The following COL17A1 variants were observed in gnomAD, a reference collection of about 807,000 sequenced individuals.
The protein encoded by COL17A1 is collagen type XVII alpha 1 chain.
Under a neutral mutation model 218.4 loss-of-function variants are expected in COL17A1, and 181 were observed. The observed-to-expected ratio is 0.83, with a 90% CI of 0.73 to 0.94. The LOEUF is 0.94. Among genes scored for constraint, COL17A1 ranks in the 40% least tolerant of loss-of-function variants. The pLI is 0.00. For missense variants in COL17A1, 1,924 were observed against 1,945.9 expected, an observed-to-expected ratio of 0.99 and a Z score of 0.21; for synonymous variants, 721 against 731.0, an observed-to-expected ratio of 0.99 and a Z score of 0.22.
At chr10:104,058,768 C>G (rs1285471298) in intron 15 of COL17A1, among the ~76,000 whole-genome samples, 2 of 151,956 alleles carry the variant, frequency 1.3e-5, no homozygotes, top group East Asian at 3.9e-4. Context: ...CCCGTCTGTA[C>G]TAAAAATACA....
At chr10:104,035,422 G>T in intron 49 of COL17A1, 49 bp from the exon 50 acceptor site, 1 of 1,613,306 alleles carries the variant, frequency 6.2e-7, no homozygotes, top group Non-Finnish European at 8.5e-7. Flanking sequence ...TGGGCCAAGG[G>T]ACTCTGCTTC....
At chr10:104,054,779 C>T (rs2086503644) in intron 20 of COL17A1, among the ~76,000 whole-genome samples, 2 of 152,168 alleles carry the variant, frequency 1.3e-5, no homozygotes, top group Non-Finnish European at 2.9e-5. Context: ...GCTCGCCAAT[C>T]CCGGTCAGCT....
chr10:104,076,575 C>T, intron 4 of COL17A1, 146 bp from the exon 5 acceptor site: 1 of 1,043,188 alleles, frequency 9.6e-7, no homozygotes, highest in Admixed American at 1.9e-5. Flanking sequence ...AGCATTCCCC[C>T]AGCTGTTCAC....
At chr10:104,050,056 ATAGAT>A (rs1266595558) in intron 28 of COL17A1, 28 bp downstream of exon 28, 1 of 1,613,956 alleles carries the variant, frequency 6.2e-7, no homozygotes, top group South Asian at 1.1e-5. Context: ...AAAGTCGTGG[ATAGAT>A]TAAAGTAGAT....
At chr10:104,054,168 C>A in intron 20 of COL17A1, 50 bp from the exon 21 acceptor site, 1 of 1,579,396 alleles carries the variant, frequency 6.3e-7, no homozygotes. Flanking sequence ...AGACTGTGCC[C>A]AATTCCCAAA....
chr10:104,044,525 AT>A (rs1364823854), intron 33 of COL17A1, among the ~76,000 whole-genome samples: 1 of 151,968 alleles, frequency 6.6e-6, no homozygotes, highest in African/African-American at 2.4e-5. Flanking sequence ...CCCTTTTTTC[AT>A]TTCTCAAGTT....
At chr10:104,034,885 C>T in intron 50 of COL17A1, 118 bp from the exon 51 acceptor site, 1 of 1,273,948 alleles carries the variant, frequency 7.8e-7, no homozygotes, top group Non-Finnish European at 1.1e-6. Flanking sequence ...GCTGGGCCTC[C>T]CGGGTGATGG....
intron 46 of COL17A1, among the ~76,000 whole-genome samples, 180 bp from the exon 47 acceptor site, chr10:104,037,293 T>TTC (rs1293493114): frequency 6.6e-6 from 1 of 151,730 alleles, no homozygotes; most frequent in East Asian, 1.9e-4. Context: ...TGGGATTTTT[T>TTC]TTTTTTTTGT....
chr10:104,080,259 A>G (rs1338938248), intron 2 of COL17A1, among the ~76,000 whole-genome samples: 1 of 152,230 alleles, frequency 6.6e-6, no homozygotes, highest in Non-Finnish European at 1.5e-5. Flanking sequence ...GAGGTCAACT[A>G]TGATACAATA....
chr10:104,062,122 A>C (rs559580865), intron 12 of COL17A1, 136 bp downstream of exon 12: 8 of 1,307,458 alleles, frequency 6.1e-6, no homozygotes, highest in Non-Finnish European at 7.6e-6. Context: ...ATCAAGATTG[A>C]TATCTTGAGT....
chr10:104,046,209 A>G (rs144932110), intron 32 of COL17A1, among the ~76,000 whole-genome samples: 4 of 152,328 alleles, frequency 2.6e-5, no homozygotes, highest in East Asian at 1.9e-4. Flanking sequence ...GCATGTCCCT[A>G]TGAATTCAAC....
chr10:104,032,642 A>C (rs779834543), intron 55 of COL17A1, 32 bp downstream of exon 55: 1 of 1,602,272 alleles, frequency 6.2e-7, no homozygotes, highest in South Asian at 1.1e-5. Context: ...AGCCCTCCAG[A>C]ACATGCAAAA....
rs2086444014 is a variant in COL17A1, at chr10:104,049,298, A to T, written c.2227+111T>A. 4.2e-6 allele frequency: 4 copies of T among 947,810 alleles called. No individual in the cohort carries two copies. In the South Asian group the frequency reaches 5.3e-5, roughly 13 times the overall value. 58.7% of individuals were successfully genotyped at this position (947,810 alleles called of 1,614,324 possible). On this transcript the variant is annotated intron_variant, in intron 29 of 55. Coordinates refer to ENST00000648076, the MANE Select transcript of COL17A1 (RefSeq NM_000494.4). The stretch of plus-strand genomic sequence containing the variant: ...ACTGGTCAAGGGAGACTCTACCAGG[A>T]GTGGGCAGATTAGAGAGTAGGAGAG...
Position 104,055,889 on chromosome 10 carries a change from A to G in COL17A1, c.1580T>C (p.Met527Thr), listed in dbSNP as rs2086519936. 1.2e-6 allele frequency: 2 copies of G among 1,614,172 alleles called. No homozygotes were observed. The highest frequency in any genetic ancestry group is 1.7e-6 in the Non-Finnish European group (2 of 1,180,042). ...DRIEKDRLQGMAPAAGADLDK... is the reference protein window; with the variant it reads ...DRIEKDRLQGTAPAAGADLDK... ...CAGGTCTGCTCCCGCCGCGGGTGCC[A>G]TGCCCTGGAGGCGGTCCTTTTCTAT... Residue 527 changes from methionine to threonine, a missense_variant, in exon 18 of 56, where the codon ATG becomes ACG. Physicochemically the swap from Met to Thr is moderately conservative, Grantham distance 81. Transcript: ENST00000648076.
rs770893953 is a variant in COL17A1, at chr10:104,055,761, T to C, written c.1687+21A>G. 4.3e-6 allele frequency: 7 copies of C among 1,613,418 alleles called. No homozygotes were observed. In the Admixed American group the frequency reaches 1.0e-4, roughly 23 times the overall value. The stretch of plus-strand genomic sequence containing the variant: ...GAAAGGGACTCAGGGGAGCTGGCCC[T>C]GTGCCCGGCGATGCTCTCACCATTT... On this transcript the variant is annotated intron_variant, in intron 18 of 55. Transcript: ENST00000648076.
intron 39 of COL17A1, among the ~76,000 whole-genome samples, 162 bp downstream of exon 39, chr10:104,040,903 C>T (rs2086352854): frequency 6.6e-6 from 1 of 152,134 alleles, no homozygotes; most frequent in African/African-American, 2.4e-5. Flanking sequence ...ATGGTTATTC[C>T]CTCCATGTGC....
Position 104,032,232 on chromosome 10 carries a change from A to G in COL17A1, c.*3T>C, listed in dbSNP as rs536571134. 4 of 1,613,210 alleles carry G rather than the reference A, an allele frequency of 2.5e-6. No individual in the cohort carries two copies. In the East Asian group the frequency reaches 8.9e-5, roughly 36 times the overall value. ...GTCCAGGAGCTGTCCTGCCATGGCT[A>G]GCTCACGGCTTGACAGCAATACTTC... On this transcript the variant is annotated 3_prime_UTR_variant, in exon 56 of 56. Coordinates refer to ENST00000648076, the MANE Select transcript of COL17A1 (RefSeq NM_000494.4).
intron 31 of COL17A1, 151 bp downstream of exon 31, chr10:104,047,588 C>G (rs1192053230): frequency 1.4e-6 from 1 of 728,032 alleles, no homozygotes; most frequent in Non-Finnish European, 2.5e-6. Flanking sequence ...TTGTAAACAC[C>G]TGCATGCACA....
intron 4 of COL17A1, among the ~76,000 whole-genome samples, chr10:104,076,971 A>G (rs2086716348): frequency 6.6e-6 from 1 of 152,198 alleles, no homozygotes; most frequent in Non-Finnish European, 1.5e-5. Context: ...ATGGGATCAC[A>G]TGTCACCAGC....
Sources: gnomAD v4.1 joint callset for allele counts (sites outside exome capture counted in the v4.1 genomes callset) on GRCh38, gnomAD v4.1.1 for gene constraint, MANE v1.5 for transcripts, NCBI Gene and HGNC (gene_info 2026-07-23, HGNC 2026-07-21) for gene names.